Variants in PCDH15 observed in about 807,000 individuals in gnomAD.
PCDH15 encodes protocadherin related 15, also known as protocadherin-15.
PCDH15 carries 129 observed loss-of-function variants against 178.5 expected under a neutral mutation model. The observed-to-expected ratio is 0.72, with a 90% CI of 0.63 to 0.84. The LOEUF (loss-of-function observed/expected upper bound fraction) is 0.84, where lower values mean the gene tolerates loss of function less well. Among genes scored for constraint, PCDH15 ranks in the 40% least tolerant of loss-of-function variants. The probability of loss-of-function intolerance (pLI) is 0.00; values close to 1 mark genes in which losing one functional copy is unlikely to be tolerated. For missense variants in PCDH15, 2,230 were observed against 2,099.9 expected (o/e 1.06, Z -1.21); for synonymous variants, 800 against 732.0 (o/e 1.09, Z -1.50).
intron 2 of PCDH15, among the ~76,000 whole-genome samples, chr10:55,545,880 C>T (rs371936095): frequency 9.9e-5 from 15 of 151,944 alleles, no homozygotes; most frequent in African/African-American, 2.9e-4. Context: ...CTATCACTTC[C>T]TATCCAACAT....
chr10:55,348,458 T>C (rs1387522907), intron 2 of PCDH15, among the ~76,000 whole-genome samples: 1 of 152,042 alleles, frequency 6.6e-6, no homozygotes, highest in Admixed American at 6.6e-5. Context: ...GAGACAAGAA[T>C]TTGGTAATGA....
At chr10:54,502,328 ATCTT>A (rs1364357184) in intron 3 of PCDH15, among the ~76,000 whole-genome samples, 3 of 152,132 alleles carry the variant, frequency 2.0e-5, no homozygotes, top group African/African-American at 7.2e-5. Context: ...TACCCTGCTT[ATCTT>A]TCCAGCCATT....
intron 5 of PCDH15, among the ~76,000 whole-genome samples, chr10:54,349,617 T>A (rs1943857755): frequency 6.6e-6 from 1 of 152,132 alleles, no homozygotes; most frequent in Non-Finnish European, 1.5e-5. Flanking sequence ...CATGCAGAAA[T>A]CACATTTGTA....
At chr10:54,417,367 T>A (rs563358168) in intron 3 of PCDH15, among the ~76,000 whole-genome samples, 1 of 152,204 alleles carries the variant, frequency 6.6e-6, no homozygotes, top group African/African-American at 2.4e-5. Flanking sequence ...TAGTCTAGCA[T>A]AAATGACGAA....
chr10:55,268,897 C>G (rs956095170), intron 1 of PCDH15, among the ~76,000 whole-genome samples: 1 of 152,010 alleles, frequency 6.6e-6, no homozygotes, highest in Non-Finnish European at 1.5e-5. Context: ...GAGACAAAAT[C>G]TACTTAAAAT....
At chr10:54,279,913 C>T (rs2058577176) in intron 8 of PCDH15, among the ~76,000 whole-genome samples, 1 of 151,646 alleles carries the variant, frequency 6.6e-6, no homozygotes, top group Non-Finnish European at 1.5e-5. Flanking sequence ...TGCTATGGTG[C>T]TTTGAGACTT....
chr10:54,885,330 A>C (rs1591762716), intron 3 of PCDH15, among the ~76,000 whole-genome samples: 1 of 150,926 alleles, frequency 6.6e-6, no homozygotes, highest in East Asian at 1.9e-4. Flanking sequence ...AGGTCATTTG[A>C]AAAAAAAATA....
chr10:53,999,659 T>C (rs986404734), intron 20 of PCDH15, among the ~76,000 whole-genome samples: 10 of 152,120 alleles, frequency 6.6e-5, no homozygotes, highest in African/African-American at 2.4e-4. Context: ...GGAGAAGGAC[T>C]GTTTCTCATA....
rs538870892 is a variant in PCDH15, at chr10:54,132,336, A to C, written c.1917+539T>G. Among the ~76,000 whole-genome samples the C allele has an allele frequency of 2.0e-5, 3 of 152,300 alleles. No individual in the cohort carries two copies. The South Asian group carries it at 6.2e-4, about 32-fold the overall frequency. On this transcript the variant is annotated intron_variant, in intron 15 of 37. Transcript: ENST00000644397. ...ATATGCTCATGAATCTCTAGCTACA[A>C]ATAAAAATATCAGCTAAAACTACCC...
chr10:54,193,643 A>T (rs1407494689), intron 11 of PCDH15, among the ~76,000 whole-genome samples: 1 of 152,168 alleles, frequency 6.6e-6, no homozygotes, highest in African/African-American at 2.4e-5. Flanking sequence ...AACCCACTAT[A>T]CATCAGAGAA....
chr10:55,470,498 T>C (rs1196854113), intron 2 of PCDH15, among the ~76,000 whole-genome samples: 1 of 152,208 alleles, frequency 6.6e-6, no homozygotes, highest in African/African-American at 2.4e-5. Context: ...TTGATTAGTA[T>C]ACTTTGATAA....
chr10:55,334,298 C>CTA lies in PCDH15; in HGVS notation c.-155-167649_-155-167648dup, dbSNP rs748701046. On this transcript the variant is annotated intron_variant, in intron 2 of 5. Coordinates refer to the PCDH15 transcript ENST00000613346. ...TGTGTGTGTGTGTATGTGTATATAT[C>CTA]TATATATATATATATATTTTTTTTT... Among the ~76,000 whole-genome samples, 1,698 of 86,852 alleles carry CTA rather than the reference C, an allele frequency of 0.02. 99 individuals are homozygous for CTA. In the East Asian group the frequency reaches 0.21, roughly 11 times the overall value. 57.0% of individuals were successfully genotyped at this position (86,852 alleles called of 152,430 possible).
chr10:55,240,895 A>T (rs1417048043), intron 1 of PCDH15, among the ~76,000 whole-genome samples: 2 of 152,234 alleles, frequency 1.3e-5, no homozygotes, highest in Non-Finnish European at 2.9e-5. Context: ...TATAATGCAC[A>T]TCTAGAATTG....
intron 2 of PCDH15, among the ~76,000 whole-genome samples, chr10:55,016,609 T>C (rs1443672687): frequency 6.6e-6 from 1 of 152,198 alleles, no homozygotes; most frequent in Non-Finnish European, 1.5e-5. Context: ...TGAGTAGTAC[T>C]TCATTGTGTA....
rs3069910 is a variant in PCDH15, at chr10:54,395,429, TAC to T, written c.158-16489_158-16488del. Among the ~76,000 whole-genome samples, 116 of 144,956 alleles carry T rather than the reference TAC, an allele frequency of 8.0e-4. 1 individual carries two copies. The highest frequency in any genetic ancestry group is 3.0e-3 in the African/African-American group (108 of 36,350). On this transcript the variant is annotated intron_variant, in intron 3 of 37. Coordinates refer to ENST00000644397, the MANE Select transcript of PCDH15 (RefSeq NM_001384140.1). ...CCTGTCTATCTCTATGTGCATGTAT[TAC>T]ACACACACACACACACACCCACATT...
chr10:54,036,526 T>C (rs1424475687), intron 18 of PCDH15, among the ~76,000 whole-genome samples: 2 of 151,920 alleles, frequency 1.3e-5, no homozygotes, highest in Non-Finnish European at 2.9e-5. Flanking sequence ...ATAAACTATG[T>C]TTACAGCATA....
chr10:55,317,894 A>G (rs1472876224), intron 1 of PCDH15, among the ~76,000 whole-genome samples: 1 of 152,196 alleles, frequency 6.6e-6, no homozygotes, highest in Non-Finnish European at 1.5e-5. Context: ...AGGTTACATG[A>G]ATTATGTTTG....
chr10:54,761,454 G>A (rs1403470740), intron 1 of PCDH15, among the ~76,000 whole-genome samples: 1 of 152,050 alleles, frequency 6.6e-6, no homozygotes, highest in Non-Finnish European at 1.5e-5. Flanking sequence ...GGCCAAGACA[G>A]GTGGATCACT....
intron 2 of PCDH15, among the ~76,000 whole-genome samples, chr10:55,446,988 C>G (rs11004868): frequency 0.31 from 47,171 of 151,716 alleles, 7,561 homozygotes; most frequent in African/African-American, 0.38. Context: ...TACAGAGAGA[C>G]AGATAAAACA....
Sources: allele counts gnomAD v4.1 joint callset (sites outside exome capture counted in the v4.1 genomes callset), GRCh38; gene constraint gnomAD v4.1.1; transcripts MANE v1.5; gene names NCBI Gene and HGNC (gene_info 2026-07-23, HGNC 2026-07-21).